Variants in IMPG1 observed in about 807,000 individuals in gnomAD.
IMPG1 encodes the protein interphotoreceptor matrix proteoglycan of 150 kDa.
Under a neutral mutation model 92.0 loss-of-function variants are expected in IMPG1, and 85 were observed. The observed-to-expected ratio is 0.92, with a 90% CI of 0.78 to 1.11. The LOEUF is 1.11. Among genes scored for constraint, IMPG1 ranks in the 50% least tolerant of loss-of-function variants. The pLI is 0.00. For missense variants in IMPG1, 1,022 were observed against 956.0 expected (o/e 1.07, Z -0.91); for synonymous variants, 367 against 334.1 (o/e 1.10, Z -1.08).
chr6:76,008,301 T>A (rs1172022036), intron 8 of IMPG1, among the ~76,000 whole-genome samples: 1 of 152,190 alleles, frequency 6.6e-6, no homozygotes, highest in Non-Finnish European at 1.5e-5. Context: ...ACCAAACTGA[T>A]GAACACATTT....
chr6:75,948,325 T>C (rs566418054), intron 13 of IMPG1, among the ~76,000 whole-genome samples: 2 of 152,264 alleles, frequency 1.3e-5, no homozygotes, highest in Non-Finnish European at 2.9e-5. Context: ...TCAGAAATGT[T>C]TGAAACTCAG....
Position 75,921,719 on chromosome 6 carries a change from C to A in IMPG1, c.*370G>T. The A allele has an allele frequency of 5.0e-6, 1 of 201,800 alleles. No homozygotes were observed. Among genetic ancestry groups the A allele is most frequent in the African/African-American group, 2.4e-5 (1 of 42,004 alleles). 12.5% of individuals were successfully genotyped at this position (201,800 alleles called of 1,614,324 possible). A position where few individuals can be genotyped will look rare whatever the true frequency, so the allele number is the denominator to read the frequency against. ...TCTAGCATATAAAGAGTTTGCTTCC[C>A]AATAAATTGTTCAGTCCCTAAACAA... On this transcript the variant is annotated 3_prime_UTR_variant, in exon 17 of 17. Coordinates refer to ENST00000369950, the MANE Select transcript of IMPG1 (RefSeq NM_001563.4).
At chr6:75,980,745 G>T (rs1461410053) in intron 12 of IMPG1, among the ~76,000 whole-genome samples, 3 of 152,200 alleles carry the variant, frequency 2.0e-5, no homozygotes, top group African/African-American at 7.2e-5. Flanking sequence ...TTTGGAACTC[G>T]GGCTGTCTTC....
chr6:75,926,773 T>C (rs905186784), intron 15 of IMPG1, among the ~76,000 whole-genome samples: 15 of 152,136 alleles, frequency 9.9e-5, no homozygotes, highest in African/African-American at 3.1e-4. Context: ...GCAGAATCTA[T>C]GTATACAACA....
intron 14 of IMPG1, among the ~76,000 whole-genome samples, chr6:75,939,904 T>C (rs1781810086): frequency 6.6e-6 from 1 of 152,232 alleles, no homozygotes; most frequent in Admixed American, 6.5e-5. Context: ...CATTTCATTC[T>C]AGCCTCACTG....
chr6:75,924,741 T>TC lies in IMPG1; in HGVS notation c.2244-1036_2244-1035insG, dbSNP rs1781520471. Among the ~76,000 whole-genome samples the TC allele has an allele frequency of 7.4e-5, 5 of 67,540 alleles. 1 individual carries two copies. The highest frequency in any genetic ancestry group is 1.0e-4 in the Non-Finnish European group (4 of 38,978). 44.3% of individuals were successfully genotyped at this position (67,540 alleles called of 152,430 possible). A position where few individuals can be genotyped will look rare whatever the true frequency, so the allele number is the denominator to read the frequency against. Reference sequence around the variant, plus strand: ...ATATAATATAATTATATATAATATATAATATATAATATATCATATAATTAT... The same window carrying TC: ...ATATAATATAATTATATATAATATATCAATATATAATATATCATATAATTAT... On this transcript the variant is annotated intron_variant, in intron 15 of 16. Transcript: ENST00000369950.
intron 7 of IMPG1, among the ~76,000 whole-genome samples, chr6:76,016,286 C>G (rs1306665032): frequency 1.3e-5 from 2 of 152,122 alleles, no homozygotes; most frequent in Non-Finnish European, 1.5e-5. Context: ...AATATATTTG[C>G]ATTATTCTAC....
intron 12 of IMPG1, among the ~76,000 whole-genome samples, chr6:75,967,612 A>G (rs141250535): frequency 1.3e-5 from 2 of 152,300 alleles, no homozygotes; most frequent in East Asian, 3.9e-4. Flanking sequence ...CAAATGAACG[A>G]AGACACCCCT....
chr6:76,055,995 T>G (rs1784114316), intron 1 of IMPG1, among the ~76,000 whole-genome samples: 1 of 152,090 alleles, frequency 6.6e-6, no homozygotes, highest in African/African-American at 2.4e-5. Flanking sequence ...TAATTCCATT[T>G]TCCTACGACT....
chr6:76,034,745 T>A lies in IMPG1; in HGVS notation c.344A>T (p.Asp115Val), dbSNP rs780301587. The change falls in exon 3 of 17, where the codon GAT becomes GTT. Residue 115 changes from aspartate (D) to valine (V), a missense_variant. Coordinates refer to ENST00000369950, the MANE Select transcript of IMPG1 (RefSeq NM_001563.4). ...AVWEAYRIFL[D>V]RIPDTGEYQD... ...ATATTCCCCTGTGTCAGGGATGCGA[T>A]CCAGAAAGATCCGATATGCTTCCCA... 2.5e-6 allele frequency: 4 copies of A among 1,613,994 alleles called. No individual in the cohort carries two copies. The highest frequency in any genetic ancestry group is 3.4e-6 in the Non-Finnish European group (4 of 1,180,012).
intron 2 of IMPG1, among the ~76,000 whole-genome samples, chr6:76,035,494 C>T (rs1335353481): frequency 2.7e-5 from 3 of 109,908 alleles, no homozygotes; most frequent in South Asian, 3.7e-4. Flanking sequence ...AGCAAAACTC[C>T]GTCTCAAAAA....
intron 7 of IMPG1, among the ~76,000 whole-genome samples, chr6:76,018,098 C>T (rs951716805): frequency 1.3e-5 from 2 of 152,148 alleles, no homozygotes; most frequent in Admixed American, 1.3e-4. Flanking sequence ...CCTTTTTATC[C>T]TTGGTGGAGG....
At chr6:75,979,063 C>T (rs1175197061) in intron 12 of IMPG1, among the ~76,000 whole-genome samples, 4 of 152,054 alleles carry the variant, frequency 2.6e-5, no homozygotes, top group Admixed American at 6.5e-5. Context: ...CAGGTGTGTG[C>T]CACCATACCT....
At chr6:76,030,086 C>T (rs1247687408) in intron 4 of IMPG1, among the ~76,000 whole-genome samples, 1 of 152,194 alleles carries the variant, frequency 6.6e-6, no homozygotes, top group Non-Finnish European at 1.5e-5. Context: ...CAACCCCAAG[C>T]TTCCTGTTTC....
intron 12 of IMPG1, among the ~76,000 whole-genome samples, chr6:75,963,199 T>C (rs1012052712): frequency 1.6e-4 from 24 of 152,114 alleles, no homozygotes; most frequent in Non-Finnish European, 3.1e-4. Context: ...AAAGAGGGGA[T>C]GGTATTGCAA....
chr6:76,003,448 A>AC, intron 11 of IMPG1, among the ~76,000 whole-genome samples: 1 of 152,272 alleles, frequency 6.6e-6, no homozygotes, highest in Non-Finnish European at 1.5e-5. Flanking sequence ...TATTTATCAA[A>AC]CCCCCATAAA....
chr6:76,044,549 G>A (rs1192928835), intron 1 of IMPG1, among the ~76,000 whole-genome samples: 1 of 152,138 alleles, frequency 6.6e-6, no homozygotes, highest in Non-Finnish European at 1.5e-5. Flanking sequence ...ACTGCCTAAT[G>A]TTATGCCCTG....
intron 15 of IMPG1, among the ~76,000 whole-genome samples, chr6:75,924,730 T>TATGATATATC (rs1781519029): frequency 3.1e-5 from 2 of 63,768 alleles, no homozygotes; most frequent in Non-Finnish European, 5.4e-5. Context: ...AATATAATTA[T>TATGATATATC]ATATAATATA....
chr6:75,950,407 T>C (rs2149457334), intron 13 of IMPG1, among the ~76,000 whole-genome samples, 155 bp downstream of exon 13: 1 of 152,344 alleles, frequency 6.6e-6, no homozygotes, highest in East Asian at 1.9e-4. Flanking sequence ...TCTGAATTCA[T>C]CTCAAAATTC....
Sources: gnomAD v4.1 joint callset for allele counts (sites outside exome capture counted in the v4.1 genomes callset) on GRCh38, gnomAD v4.1.1 for gene constraint, MANE v1.5 for transcripts, NCBI Gene and HGNC (gene_info 2026-07-23, HGNC 2026-07-21) for gene names.